CEACAM3: variants seen among roughly 807,000 people sequenced by gnomAD.
The protein encoded by CEACAM3 is CEA cell adhesion molecule 3.
CEACAM3 carries 32 observed loss-of-function variants against 30.1 expected under a neutral mutation model. That is an observed-to-expected ratio of 1.06 (90% CI 0.80 to 1.43). CEACAM3 has a LOEUF of 1.43. Among genes scored for constraint, CEACAM3 ranks in the 40% most tolerant of loss-of-function variants. CEACAM3 has a pLI of 0.00. For missense variants in CEACAM3, 290 were observed against 316.3 expected (o/e 0.92, Z 0.63); for synonymous variants, 134 against 127.2 (o/e 1.05, Z -0.36).
chr19:41,807,423 G>A, intron 2 of CEACAM3: 1 of 1,575,092 alleles, frequency 6.3e-7, no homozygotes. Context: ...CAGGCTTCCA[G>A]CCCAAATCCA....
Position 41,796,604 on chromosome 19 carries a change from A to G in CEACAM3, c.-74A>G. On this transcript the variant is annotated 5_prime_UTR_variant, in exon 1 of 7. Transcript: ENST00000357396. ...GGAAGGACAGCAGAGCCTAAGTCAC[A>G]GTAGCCCTGACTACAGCATTCCTGG... is the stretch of plus-strand genomic sequence containing the variant. 6.4e-7 allele frequency: 1 copy of G among 1,550,920 alleles called. No individual in the cohort carries two copies. Among genetic ancestry groups the G allele is most frequent in the African/African-American group, 1.4e-5 (1 of 73,744 alleles).
At position 41,811,186 on chromosome 19, in the gene CEACAM3, T is replaced by C; in HGVS notation, c.708T>C (p.His236=). Residue 236 remains histidine (H), a synonymous_variant, in exon 7 of 7, where the codon CAT becomes CAC. Transcript: ENST00000357396. Reference sequence around the variant, plus strand: ...TGTTTTAACAGGAATTGCTAAAACATGACACAAACATTTACTGCCGGATGG... The same window carrying C: ...TGTTTTAACAGGAATTGCTAAAACACGACACAAACATTTACTGCCGGATGG... ...AASIYEELLK[H]DTNIYCRMDH... is the part of the protein sequence containing the mutation. 1 of 1,614,048 alleles carries C rather than the reference T, an allele frequency of 6.2e-7. No homozygotes were observed. The highest frequency in any genetic ancestry group is 1.7e-5 in the Admixed American group (1 of 60,022).
rs201142594 is a variant in CEACAM3, at chr19:41,808,910, G to C, written c.522G>C (p.Leu174=). ...VALVAALVCF[L]LLAKTGRTSI... ...TGGTGGCCGCGCTGGTGTGTTTCCT[G>C]CTCCTTGCCAAAACTGGAAGGTACC... Residue 174 remains leucine, a synonymous_variant, in exon 3 of 7, where the codon CTG becomes CTC. Coordinates refer to ENST00000357396, the MANE Select transcript of CEACAM3 (RefSeq NM_001815.5). The C allele has an allele frequency of 4.4e-6, 7 of 1,594,206 alleles. No individual in the cohort carries two copies. The highest frequency in any genetic ancestry group is 6.0e-6 in the Non-Finnish European group (7 of 1,171,520).
chr19:41,799,193 G>T (rs1184472869), intron 2 of CEACAM3, among the ~76,000 whole-genome samples: 6 of 152,198 alleles, frequency 3.9e-5, no homozygotes, highest in African/African-American at 1.4e-4. Flanking sequence ...GTGAGGCCTG[G>T]TGGGAGGCGA....
In CEACAM3 at chr19:41,803,761, CG is replaced by C. The variant is rs1250580219; in HGVS notation, c.425-5050del. ...GATTACAGGCATGAGCCACCATGCC[CG>C]GCCTGAAACAGCAAAGCTTTAAAAG... On this transcript the variant is annotated intron_variant, in intron 2 of 6. Coordinates refer to ENST00000357396, the MANE Select transcript of CEACAM3 (RefSeq NM_001815.5). 1.5e-4 allele frequency among the ~76,000 whole-genome samples: 9 copies of C among 59,040 alleles called. 1 individual carries two copies. Among genetic ancestry groups the C allele is most frequent in the African/African-American group, 2.9e-4 (9 of 30,616 alleles). 38.7% of individuals were successfully genotyped at this position (59,040 alleles called of 152,430 possible).
chr19:41,809,919 T>C (rs782184191), intron 3 of CEACAM3, 46 bp from the exon 4 acceptor site: 1 of 1,605,366 alleles, frequency 6.2e-7, no homozygotes, highest in South Asian at 1.1e-5. Flanking sequence ...TCCAAAGTTG[T>C]GGCTTTTAAC....
chr19:41,805,538 C>G (rs1227842411), intron 2 of CEACAM3, among the ~76,000 whole-genome samples: 1 of 152,150 alleles, frequency 6.6e-6, no homozygotes, highest in East Asian at 1.9e-4. Flanking sequence ...ATCCGCCCGC[C>G]TCAGCATCCC....
chr19:41,799,083 G>C (rs2073126724), intron 2 of CEACAM3, among the ~76,000 whole-genome samples: 1 of 152,196 alleles, frequency 6.6e-6, no homozygotes, highest in Non-Finnish European at 1.5e-5. Context: ...TTGGTCTGGA[G>C]AGTAAGGGGC....
Position 41,797,967 on chromosome 19 carries a change from C to G in CEACAM3, c.424+19C>G. On this transcript the variant is annotated intron_variant, in intron 2 of 6. Coordinates refer to ENST00000357396, the MANE Select transcript of CEACAM3 (RefSeq NM_001815.5). ...GTATACCGTGAGTATTTCCACATGACCTCTGGGTGTTGGGGGTCAGTTCTA... is the reference window on the plus strand; with the variant it reads ...GTATACCGTGAGTATTTCCACATGAGCTCTGGGTGTTGGGGGTCAGTTCTA... The G allele has an allele frequency of 6.3e-7, 1 of 1,579,542 alleles. No individual in the cohort carries two copies. Among genetic ancestry groups the G allele is most frequent in the Non-Finnish European group, 8.6e-7 (1 of 1,162,528 alleles).
chr19:41,807,810 T>C (rs552709332), intron 2 of CEACAM3, among the ~76,000 whole-genome samples: 1 of 152,076 alleles, frequency 6.6e-6, no homozygotes, highest in Admixed American at 6.5e-5. Flanking sequence ...CCCCCCAGAC[T>C]CCTATTACCA....
At chr19:41,803,287 A>G (rs1236963272) in intron 2 of CEACAM3, among the ~76,000 whole-genome samples, 1 of 152,174 alleles carries the variant, frequency 6.6e-6, no homozygotes, top group Non-Finnish European at 1.5e-5. Context: ...AGATAAAAAA[A>G]GAAACCCTCC....
chr19:41,799,314 G>A (rs77033918), intron 2 of CEACAM3, among the ~76,000 whole-genome samples: 12,608 of 151,866 alleles, frequency 0.083, 1,716 homozygotes, highest in African/African-American at 0.28. Context: ...AGTGTGTGGC[G>A]CCTCCACACT....
intron 1 of CEACAM3, among the ~76,000 whole-genome samples, 199 bp downstream of exon 1, chr19:41,796,940 A>T (rs1373480510): frequency 6.6e-6 from 1 of 152,258 alleles, no homozygotes; most frequent in African/African-American, 2.4e-5. Flanking sequence ...AAATCCATTG[A>T]TCATGTTTTC....
At chr19:41,809,677 G>A (rs1555827309) in intron 3 of CEACAM3, 1 of 337,280 alleles carries the variant, frequency 3.0e-6, no homozygotes, top group East Asian at 5.8e-5. Context: ...AACCCTCGTG[G>A]TCTGTTTCCT....
At position 41,811,169 on chromosome 19, in the gene CEACAM3, C is replaced by A; in HGVS notation, c.694-3C>A. ...GGTCCAGGCCTCTTCTCTGTTTTAA[C>A]AGGAATTGCTAAAACATGACACAAA... On this transcript the variant is annotated splice_polypyrimidine_tract_variant and splice_region_variant and intron_variant, in intron 6 of 6. Coordinates refer to ENST00000357396, the MANE Select transcript of CEACAM3 (RefSeq NM_001815.5). 6.2e-7 allele frequency: 1 copy of A among 1,614,054 alleles called. No individual in the cohort carries two copies. The highest frequency in any genetic ancestry group is 8.5e-7 in the Non-Finnish European group (1 of 1,179,948).
At chr19:41,809,560 G>T in intron 3 of CEACAM3, 1 of 184,710 alleles carries the variant, frequency 5.4e-6, no homozygotes, top group Admixed American at 5.8e-5. Context: ...TCTGGCCACA[G>T]CAGGGACACT....
At chr19:41,797,973 G>T in intron 2 of CEACAM3, 25 bp downstream of exon 2, 1 of 1,574,468 alleles carries the variant, frequency 6.4e-7, no homozygotes, top group Non-Finnish European at 8.6e-7. Flanking sequence ...ATGACCTCTG[G>T]GTGTTGGGGG....
intron 2 of CEACAM3, among the ~76,000 whole-genome samples, chr19:41,802,406 C>T (rs997697343): frequency 6.6e-6 from 1 of 152,166 alleles, no homozygotes; most frequent in Non-Finnish European, 1.5e-5. Flanking sequence ...TGTTAATTGC[C>T]CCGCATATTG....
intron 2 of CEACAM3, among the ~76,000 whole-genome samples, chr19:41,804,004 C>T (rs1600518713): frequency 6.6e-6 from 1 of 151,782 alleles, no homozygotes; most frequent in Non-Finnish European, 1.5e-5. Context: ...TTGCTTGAAC[C>T]TGGGAGGTAG....
Sources: allele counts gnomAD v4.1 joint callset (sites outside exome capture counted in the v4.1 genomes callset), GRCh38; gene constraint gnomAD v4.1.1; transcripts MANE v1.5; gene names NCBI Gene and HGNC (gene_info 2026-07-23, HGNC 2026-07-21).